FOXN2: variants seen among roughly 807,000 people sequenced by gnomAD.
FOXN2 encodes forkhead box N2.
A neutral mutation model predicts 41.2 loss-of-function variants in FOXN2; 19 were observed. That is an observed-to-expected ratio of 0.46 (90% CI 0.32 to 0.68). The LOEUF (loss-of-function observed/expected upper bound fraction) is 0.68. Ranked by LOEUF, FOXN2 falls within the 30% of genes least tolerant of loss-of-function variation. The probability of loss-of-function intolerance (pLI) is 0.03; values close to 1 mark genes in which losing one functional copy is unlikely to be tolerated. For synonymous variants in FOXN2, 195 were observed against 176.8 expected, an observed-to-expected ratio of 1.10 and a Z score of -0.82; for missense variants, 587 against 509.4, an observed-to-expected ratio of 1.15 and a Z score of -1.47.
At chr2:48,321,749 A>T (rs1218446218) in intron 1 of FOXN2, among the ~76,000 whole-genome samples, 1 of 152,136 alleles carries the variant, frequency 6.6e-6, no homozygotes, top group African/African-American at 2.4e-5. Flanking sequence ...ATCTAAAAAA[A>T]TTTTAGTACA....
intron 2 of FOXN2, among the ~76,000 whole-genome samples, chr2:48,336,823 T>G (rs1670393719): frequency 6.6e-6 from 1 of 152,062 alleles, no homozygotes; most frequent in South Asian, 2.1e-4. Context: ...TTTTTTAATT[T>G]TAGTGTGTAC....
intron 2 of FOXN2, among the ~76,000 whole-genome samples, chr2:48,345,197 G>A (rs1671016645): frequency 6.6e-6 from 1 of 152,156 alleles, no homozygotes; most frequent in South Asian, 2.1e-4. Context: ...GAGTTTAAAA[G>A]TACTGGGATT....
At chr2:48,359,021 A>G in intron 3 of FOXN2, 26 bp from the exon 4 acceptor site, 4 of 1,541,412 alleles carry the variant, frequency 2.6e-6, no homozygotes, top group Non-Finnish European at 2.7e-6. Context: ...AAAAGTTCCT[A>G]GTTATTCTTG....
chr2:48,338,645 C>T (rs558061716), intron 2 of FOXN2, among the ~76,000 whole-genome samples: 4 of 152,194 alleles, frequency 2.6e-5, no homozygotes, highest in East Asian at 1.9e-4. Flanking sequence ...ATGATCCGCC[C>T]GCCTCTGCCT....
chr2:48,337,217 G>C (rs897244258), intron 2 of FOXN2, among the ~76,000 whole-genome samples: 2 of 150,534 alleles, frequency 1.3e-5, no homozygotes, highest in Non-Finnish European at 3.0e-5. Context: ...TGCGACGTTT[G>C]TCTTTCTGTG....
chr2:48,352,927 C>G (rs1488568924), intron 3 of FOXN2, among the ~76,000 whole-genome samples: 1 of 152,098 alleles, frequency 6.6e-6, no homozygotes, highest in Non-Finnish European at 1.5e-5. Context: ...CTTTTTGATT[C>G]TGGCCATTTC....
At chr2:48,362,074 A>T (rs1010939060) in intron 4 of FOXN2, among the ~76,000 whole-genome samples, 2 of 152,176 alleles carry the variant, frequency 1.3e-5, no homozygotes, top group Non-Finnish European at 2.9e-5. Flanking sequence ...AATTATTCCT[A>T]TTTTACAGAT....
intron 3 of FOXN2, among the ~76,000 whole-genome samples, chr2:48,358,600 T>G (rs1671960290): frequency 6.6e-6 from 1 of 152,114 alleles, no homozygotes; most frequent in South Asian, 2.1e-4. Flanking sequence ...AAAAAGAGTG[T>G]GGGAAATGGA....
intron 4 of FOXN2, among the ~76,000 whole-genome samples, chr2:48,359,949 G>T (rs894371097): frequency 6.6e-6 from 1 of 151,644 alleles, no homozygotes. Flanking sequence ...TCTGTTTTAG[G>T]TTTTTTTCGT....
At chr2:48,344,211 G>A (rs1670951044) in intron 2 of FOXN2, among the ~76,000 whole-genome samples, 2 of 152,154 alleles carry the variant, frequency 1.3e-5, no homozygotes, top group African/African-American at 4.8e-5. Flanking sequence ...TCATATATGT[G>A]AATGTTTATT....
chr2:48,346,692 G>A lies in FOXN2; in HGVS notation c.478G>A (p.Val160Ile), dbSNP rs1334584888. The A allele has an allele frequency of 6.2e-7, 1 of 1,612,252 alleles. No individual in the cohort carries two copies. Among genetic ancestry groups the A allele is most frequent in the East Asian group, 2.2e-5 (1 of 44,876 alleles). The stretch of plus-strand genomic sequence containing the variant: ...TGCACCAACAGGCTGGAAGAATTCT[G>A]TTCGACATAATCTGTCCCTGAATAA... ...ATAPTGWKNS[V>I]RHNLSLNKCF... Residue 160 changes from valine to isoleucine, a missense_variant, in exon 3 of 7, where the codon GTT (valine) becomes ATT (isoleucine). Coordinates refer to ENST00000340553, the MANE Select transcript of FOXN2 (RefSeq NM_002158.4).
intron 1 of FOXN2, among the ~76,000 whole-genome samples, chr2:48,323,324 A>G (rs946427753): frequency 3.3e-5 from 5 of 152,324 alleles, no homozygotes; most frequent in African/African-American, 7.2e-5. Context: ...ACCGTTTTTC[A>G]TAATGGCTGT....
At chr2:48,372,778 A>G (rs1672992838) in intron 5 of FOXN2, among the ~76,000 whole-genome samples, 1 of 152,128 alleles carries the variant, frequency 6.6e-6, no homozygotes. Context: ...TTGTTTCTGC[A>G]TAATTATTCA....
intron 1 of FOXN2, among the ~76,000 whole-genome samples, chr2:48,324,194 A>AT (rs11407371): frequency 0.29 from 38,352 of 132,074 alleles, 6,232 homozygotes; most frequent in African/African-American, 0.38. Context: ...TTGCTCAGTA[A>AT]TTTTTTTTTT....
intron 3 of FOXN2, among the ~76,000 whole-genome samples, chr2:48,352,730 G>T (rs554992794): frequency 2.5e-4 from 38 of 152,238 alleles, no homozygotes; most frequent in African/African-American, 9.1e-4. Context: ...TCTTTGCAAT[G>T]CCTAAGTTAT....
intron 2 of FOXN2, among the ~76,000 whole-genome samples, chr2:48,329,127 G>A (rs530876437): frequency 7.2e-5 from 11 of 152,220 alleles, no homozygotes; most frequent in Admixed American, 2.6e-4. Context: ...TATCAGGTTT[G>A]TAAGTTATTG....
chr2:48,365,925 A>G (rs981287692), intron 5 of FOXN2, among the ~76,000 whole-genome samples: 1 of 152,206 alleles, frequency 6.6e-6, no homozygotes, highest in Non-Finnish European at 1.5e-5. Context: ...TATTATTTCT[A>G]GAGAGAAGTT....
chr2:48,346,620 A>G lies in FOXN2; in HGVS notation c.406A>G (p.Lys136Glu). Residue 136 changes from lysine to glutamate, a missense_variant, in exon 3 of 7, where the codon AAA becomes GAA. Physicochemically the swap from Lys to Glu is moderately conservative, Grantham distance 56. Coordinates refer to ENST00000340553, the MANE Select transcript of FOXN2 (RefSeq NM_002158.4). ...EHSPNKCLPV[K>E]EIYSWILDHF... ...CTCTCCAAATAAATGTTTGCCTGTC[A>G]AAGAAATTTATAGCTGGATTCTGGA... is the stretch of plus-strand genomic sequence containing the variant. 6.2e-7 allele frequency: 1 copy of G among 1,614,164 alleles called. No individual in the cohort carries two copies. Among genetic ancestry groups the G allele is most frequent in the Non-Finnish European group, 8.5e-7 (1 of 1,179,994 alleles).
At chr2:48,330,559 T>G (rs1483932722) in intron 2 of FOXN2, among the ~76,000 whole-genome samples, 1 of 152,146 alleles carries the variant, frequency 6.6e-6, no homozygotes, top group Non-Finnish European at 1.5e-5. Flanking sequence ...TTTTTTAATA[T>G]TGGTTACTTG....
Sources: gnomAD v4.1 joint callset for allele counts (sites outside exome capture counted in the v4.1 genomes callset) on GRCh38, gnomAD v4.1.1 for gene constraint, MANE v1.5 for transcripts, NCBI Gene and HGNC (gene_info 2026-07-23, HGNC 2026-07-21) for gene names.